FOXP2: variants seen among roughly 807,000 people sequenced by gnomAD.
The protein encoded by FOXP2 is forkhead box P2, also known as forkhead box protein P2.
A neutral mutation model predicts 115.8 loss-of-function variants in FOXP2; 12 were observed. That is an observed-to-expected ratio of 0.10 (90% CI 0.07 to 0.17). The LOEUF is 0.17. FOXP2 is among the 10% of genes least tolerant of loss of function. The pLI is 1.00. For synonymous variants in FOXP2, 328 were observed against 297.7 expected, an observed-to-expected ratio of 1.10 and a Z score of -1.05; for missense variants, 629 against 843.5, an observed-to-expected ratio of 0.75 and a Z score of 3.15.
intron 1 of FOXP2, among the ~76,000 whole-genome samples, chr7:114,106,601 C>A (rs1791124043): frequency 1.3e-5 from 2 of 152,016 alleles, no homozygotes; most frequent in Admixed American, 1.3e-4. Flanking sequence ...AACAGCTGAT[C>A]CAGAAACATT....
chr7:114,469,117 A>G (rs1795934637), intron 2 of FOXP2, among the ~76,000 whole-genome samples: 1 of 151,976 alleles, frequency 6.6e-6, no homozygotes, highest in African/African-American at 2.4e-5. Context: ...TTGACCACAG[A>G]CTCAAATGCC....
chr7:114,603,382 A>C (rs188333856), intron 3 of FOXP2, among the ~76,000 whole-genome samples: 109 of 152,358 alleles, frequency 7.2e-4, no homozygotes, highest in Middle Eastern at 6.8e-3. Flanking sequence ...AAGGGAATTC[A>C]TGAAAACCTG....
intron 2 of FOXP2, among the ~76,000 whole-genome samples, chr7:114,389,403 G>T (rs1228608525): frequency 6.6e-6 from 1 of 152,168 alleles, no homozygotes; most frequent in Non-Finnish European, 1.5e-5. Flanking sequence ...GTTATTCCGG[G>T]TTATTGACAG....
At chr7:114,208,712 TG>T (rs1178079523) in intron 1 of FOXP2, among the ~76,000 whole-genome samples, 1 of 151,742 alleles carries the variant, frequency 6.6e-6, no homozygotes, top group Non-Finnish European at 1.5e-5. Context: ...GCTGGTCTCA[TG>T]ATAGTGAATA....
At position 114,542,098 on chromosome 7, in the gene FOXP2, C is replaced by T. The variant is rs117146298; in HGVS notation, c.258+7392C>T. ...GATTCTATTTATATATTTCTATCAA[C>T]CCACCTTCCACATTTCTATTGGTTT... On this transcript the variant is annotated intron_variant, in intron 3 of 16. Coordinates refer to ENST00000350908, the MANE Select transcript of FOXP2 (RefSeq NM_014491.4). Among the ~76,000 whole-genome samples, 807 of 152,122 alleles carry T rather than the reference C, an allele frequency of 5.3e-3. 5 individuals carry two copies. The highest frequency in any genetic ancestry group is 0.024 in the South Asian group (114 of 4,818).
chr7:114,169,923 G>A (rs181326785), intron 1 of FOXP2, among the ~76,000 whole-genome samples: 7 of 152,260 alleles, frequency 4.6e-5, no homozygotes, highest in Non-Finnish European at 8.8e-5. Context: ...TGCCATCCAT[G>A]TAAGATGTGA....
intron 16 of FOXP2, among the ~76,000 whole-genome samples, chr7:114,670,215 A>G (rs1006170856): frequency 3.3e-5 from 5 of 152,090 alleles, no homozygotes; most frequent in African/African-American, 4.8e-5. Flanking sequence ...GAAGCTTGAA[A>G]GTTAAAAATC....
intron 2 of FOXP2, among the ~76,000 whole-genome samples, chr7:114,379,270 A>G (rs1012149553): frequency 2.0e-5 from 3 of 152,098 alleles, no homozygotes; most frequent in African/African-American, 4.8e-5. Context: ...CTGTTTTTGC[A>G]TAATTAGCAT....
intron 2 of FOXP2, among the ~76,000 whole-genome samples, chr7:114,372,935 T>C (rs1289899335): frequency 8.5e-5 from 13 of 152,200 alleles, no homozygotes; most frequent in Non-Finnish European, 1.9e-4. Context: ...TTTTTAATTG[T>C]CATTTAAGGA....
chr7:114,559,229 A>AT (rs1440512632), intron 3 of FOXP2, among the ~76,000 whole-genome samples: 1 of 152,120 alleles, frequency 6.6e-6, no homozygotes, highest in Non-Finnish European at 1.5e-5. Flanking sequence ...TTTTTCAGTG[A>AT]TTTTAGACAC....
chr7:114,233,760 C>T (rs796451790), intron 1 of FOXP2, among the ~76,000 whole-genome samples: 49 of 152,290 alleles, frequency 3.2e-4, no homozygotes, highest in African/African-American at 1.2e-3. Context: ...CGCCTGTAAT[C>T]CCAACACTTT....
intron 2 of FOXP2, among the ~76,000 whole-genome samples, chr7:114,438,694 CTG>C (rs889505600): frequency 2.6e-5 from 4 of 151,974 alleles, no homozygotes; most frequent in African/African-American, 7.2e-5. Flanking sequence ...AAATTAAAAA[CTG>C]TGCACAGAAA....
chr7:114,244,823 G>T (rs980138201), intron 1 of FOXP2, among the ~76,000 whole-genome samples: 11 of 151,654 alleles, frequency 7.3e-5, no homozygotes, highest in African/African-American at 1.2e-4. Context: ...GTGCAGTGGC[G>T]CAATCTCGGC....
chr7:114,558,916 A>G (rs951311226), intron 3 of FOXP2, among the ~76,000 whole-genome samples: 4 of 152,212 alleles, frequency 2.6e-5, no homozygotes, highest in African/African-American at 9.7e-5. Context: ...AGTGTCCCAC[A>G]GAACTGAGAT....
intron 5 of FOXP2, among the ~76,000 whole-genome samples, chr7:114,630,859 G>A (rs942820030): frequency 1.3e-5 from 2 of 152,136 alleles, no homozygotes; most frequent in Admixed American, 6.5e-5. Context: ...AAAAAGGAAA[G>A]GTCTTCCACA....
chr7:114,563,815 G>A lies in FOXP2; in HGVS notation c.258+29109G>A, dbSNP rs141931585. 4.7e-3 allele frequency among the ~76,000 whole-genome samples: 716 copies of A among 152,132 alleles called. 5 individuals are homozygous for A. Among genetic ancestry groups the A allele is most frequent in the African/African-American group, 0.015 (612 of 41,492 alleles). On this transcript the variant is annotated intron_variant, in intron 3 of 16. Transcript: ENST00000350908. Reference sequence around the variant, plus strand: ...AATTCTCTTTCATTCTTGAAAAATCGTCTTTGTTTCTACTGTCTTTCTAGT... The same window carrying A: ...AATTCTCTTTCATTCTTGAAAAATCATCTTTGTTTCTACTGTCTTTCTAGT...
intron 1 of FOXP2, among the ~76,000 whole-genome samples, chr7:114,236,383 A>C (rs1340125811): frequency 2.0e-5 from 3 of 152,226 alleles, no homozygotes; most frequent in Non-Finnish European, 4.4e-5. Flanking sequence ...GATTATCTTA[A>C]TTCTAAACAT....
chr7:114,426,528 C>T lies in FOXP2; in HGVS notation c.17C>T (p.Ala6Val), dbSNP rs764109995. The T allele has an allele frequency of 1.9e-6, 3 of 1,610,890 alleles. No individual in the cohort carries two copies. The highest frequency in any genetic ancestry group is 1.1e-5 in the South Asian group (1 of 91,016). MMQES[A>V]TETISNSSMN... ...TATTAAGTCATGATGCAGGAATCTG[C>T]GACAGAGACAATAAGCAACAGTTCA... The change falls in exon 2 of 17, where the codon GCG (alanine) becomes GTG (valine). Residue 6 changes from alanine (A) to valine (V), a missense_variant. By Grantham distance (64) the Ala-to-Val change is moderately conservative. Around this residue, in one of 9 missense-constraint regions of FOXP2, gnomAD observed 91 missense variants for 98.3 expected, o/e 0.93. Coordinates refer to ENST00000350908, the MANE Select transcript of FOXP2 (RefSeq NM_014491.4).
At chr7:114,408,799 A>G (rs1205485210) in intron 2 of FOXP2, among the ~76,000 whole-genome samples, 2 of 152,078 alleles carry the variant, frequency 1.3e-5, no homozygotes, top group Non-Finnish European at 2.9e-5. Context: ...TCATATCAGC[A>G]GTGACATCAT....
Sources: gnomAD v4.1 joint callset for allele counts (sites outside exome capture counted in the v4.1 genomes callset) on GRCh38, gnomAD v4.1.1 for gene constraint, gnomAD v4.1.1 regional missense constraint, MANE v1.5 for transcripts, NCBI Gene and HGNC (gene_info 2026-07-23, HGNC 2026-07-21) for gene names.